The following PTPRT variants were observed in gnomAD, a reference collection of about 807,000 sequenced individuals.
The protein encoded by PTPRT is protein tyrosine phosphatase receptor type T.
In PTPRT, 56 loss-of-function variants were observed where a neutral mutation model predicts 176.8. That is an observed-to-expected ratio of 0.32 (90% CI 0.26 to 0.40). PTPRT has a LOEUF of 0.40. Among genes scored for constraint, PTPRT ranks in the 10% least tolerant of loss-of-function variants. PTPRT has a pLI of 1.00. For synonymous variants in PTPRT, 783 were observed against 739.0 expected (o/e 1.06, Z -0.96); for missense variants, 1,540 against 1,908.2 (o/e 0.81, Z 3.60).
At position 42,963,696 on chromosome 20, in the gene PTPRT, C is replaced by G. The variant is rs1982137512; in HGVS notation, c.89-77764G>C. 2.0e-5 allele frequency among the ~76,000 whole-genome samples: 3 copies of G among 152,096 alleles called. No homozygotes were observed. The East Asian group carries it at 5.8e-4, about 29-fold the overall frequency. On this transcript the variant is annotated intron_variant, in intron 1 of 30. Transcript: ENST00000373187. ...TTAACAACTGAGAAAATGAGTAAGG[C>G]TTATATAAGGGTAGGTCAAACTATG...
At chr20:43,003,735 C>T (rs1047743042) in intron 1 of PTPRT, among the ~76,000 whole-genome samples, 1 of 152,192 alleles carries the variant, frequency 6.6e-6, no homozygotes, top group African/African-American at 2.4e-5. Flanking sequence ...CACTCTGGAC[C>T]TACTGAATCA....
At chr20:42,214,371 A>G (rs945549739) in intron 15 of PTPRT, among the ~76,000 whole-genome samples, 4 of 152,110 alleles carry the variant, frequency 2.6e-5, no homozygotes, top group Admixed American at 2.0e-4. Flanking sequence ...CCTGCAGGCA[A>G]TGAGCATCCT....
intron 1 of PTPRT, among the ~76,000 whole-genome samples, chr20:43,067,105 A>C (rs1470314573): frequency 1.2e-4 from 18 of 152,238 alleles, no homozygotes; most frequent in Admixed American, 1.2e-3. Context: ...TCAATGGGTG[A>C]ATGAATTGTG....
chr20:42,061,902 A>T, the PTPRT span, among the ~76,000 whole-genome samples: 1 of 152,354 alleles, frequency 6.6e-6, no homozygotes, highest in East Asian at 1.9e-4. Context: ...ACTGCATTTT[A>T]AAAAATCCTG....
intron 2 of PTPRT, among the ~76,000 whole-genome samples, chr20:42,813,004 G>C (rs2077723069): frequency 6.6e-6 from 1 of 151,978 alleles, no homozygotes; most frequent in South Asian, 2.1e-4. Context: ...ATATTCAGTT[G>C]ACTACTTTCA....
At chr20:42,425,366 A>G (rs1032275651) in intron 9 of PTPRT, among the ~76,000 whole-genome samples, 1 of 152,234 alleles carries the variant, frequency 6.6e-6, no homozygotes, top group Non-Finnish European at 1.5e-5. Context: ...TCGGTGACTT[A>G]TAAGTTTGAA....
At chr20:43,018,621 C>T (rs1458419395) in intron 1 of PTPRT, among the ~76,000 whole-genome samples, 1 of 152,076 alleles carries the variant, frequency 6.6e-6, no homozygotes, top group Non-Finnish European at 1.5e-5. Flanking sequence ...AGGTTAATAT[C>T]CTTAAAATGT....
chr20:42,728,920 T>C lies in PTPRT; in HGVS notation c.859+27542A>G, dbSNP rs115418647. On this transcript the variant is annotated intron_variant, in intron 6 of 30. Coordinates refer to ENST00000373187, the MANE Select transcript of PTPRT (RefSeq NM_007050.6). ...TACCTACATATGTTTAATGAATGAATATGTAAGACTGAAAGAGTGAACAAA... is the reference window on the plus strand; with the variant it reads ...TACCTACATATGTTTAATGAATGAACATGTAAGACTGAAAGAGTGAACAAA... 1.4e-3 allele frequency among the ~76,000 whole-genome samples: 214 copies of C among 152,236 alleles called. 2 individuals carry two copies. Among genetic ancestry groups the C allele is most frequent in the African/African-American group, 5.0e-3 (206 of 41,550 alleles).
chr20:42,371,088 A>G (rs2058580575), intron 9 of PTPRT, among the ~76,000 whole-genome samples: 1 of 152,206 alleles, frequency 6.6e-6, no homozygotes, highest in Non-Finnish European at 1.5e-5. Context: ...AAGAACCATG[A>G]TTTTGCACAA....
intron 11 of PTPRT, among the ~76,000 whole-genome samples, chr20:42,341,999 TA>T (rs2058118619): frequency 1.3e-5 from 2 of 152,200 alleles, no homozygotes; most frequent in South Asian, 4.1e-4. Context: ...AGGAGCCTTA[TA>T]AAAGGGGACC....
At position 42,221,530 on chromosome 20, in the gene PTPRT, A is replaced by AG. The variant is rs2055885637; in HGVS notation, c.2342+14698_2342+14699insC. Among the ~76,000 whole-genome samples, 3 of 122,002 alleles carry AG rather than the reference A, an allele frequency of 2.5e-5. No homozygotes were observed. The Admixed American group carries it at 2.5e-4, about 10-fold the overall frequency. The allele number at this position is 122,002 out of a possible 152,430, so 80.0% of individuals were successfully genotyped here. A position where few individuals can be genotyped will look rare whatever the true frequency, so the allele number is the denominator to read the frequency against. On this transcript the variant is annotated intron_variant, in intron 15 of 30. Coordinates refer to ENST00000373187, the MANE Select transcript of PTPRT (RefSeq NM_007050.6). ...GAGACAGCATGCAAGGGAAACTGCCACTTTTTTTTTTTTTGAGACAGAGTC... is the reference window on the plus strand; with the variant it reads ...GAGACAGCATGCAAGGGAAACTGCCAGCTTTTTTTTTTTTTGAGACAGAGTC...
chr20:43,073,676 C>T lies in PTPRT; in HGVS notation c.88+115970G>A, dbSNP rs566071345. Reference sequence around the variant, plus strand: ...TAGATACATATTACATATTTAATTACCACTTTATTCAAAGGTGTCTCCTTG... The same window carrying T: ...TAGATACATATTACATATTTAATTATCACTTTATTCAAAGGTGTCTCCTTG... On this transcript the variant is annotated intron_variant, in intron 1 of 30. Coordinates refer to ENST00000373187, the MANE Select transcript of PTPRT (RefSeq NM_007050.6). Among the ~76,000 whole-genome samples, 11 of 151,808 alleles carry T rather than the reference C, an allele frequency of 7.2e-5. No individual in the cohort carries two copies. In the East Asian group the frequency reaches 2.2e-3, roughly 30 times the overall value.
At chr20:42,405,305 T>G (rs925813445) in intron 9 of PTPRT, among the ~76,000 whole-genome samples, 1 of 151,968 alleles carries the variant, frequency 6.6e-6, no homozygotes, top group Non-Finnish European at 1.5e-5. Context: ...AACTGGTCAT[T>G]TACATTATGT....
intron 17 of PTPRT, 125 bp from the exon 18 acceptor site, chr20:42,142,127 C>T (rs183252256): frequency 3.7e-4 from 285 of 772,800 alleles, no homozygotes; most frequent in African/African-American, 3.6e-3. Flanking sequence ...GATAGATGTC[C>T]TTGGATGGGG....
At chr20:42,202,778 TA>T (rs1391196590) in intron 15 of PTPRT, among the ~76,000 whole-genome samples, 1 of 152,174 alleles carries the variant, frequency 6.6e-6, no homozygotes, top group Admixed American at 6.5e-5. Flanking sequence ...GATATTTCCT[TA>T]GGGGCAGAAC....
chr20:42,410,896 A>G (rs1026346365), intron 9 of PTPRT, among the ~76,000 whole-genome samples: 2 of 152,142 alleles, frequency 1.3e-5, no homozygotes, highest in Admixed American at 6.5e-5. Context: ...CATCATGTCA[A>G]ACTATGTGTG....
chr20:43,143,912 T>C (rs1439543772), intron 1 of PTPRT, among the ~76,000 whole-genome samples: 1 of 152,118 alleles, frequency 6.6e-6, no homozygotes, highest in African/African-American at 2.4e-5. Context: ...TTCTATAGGG[T>C]CACAAGGTGC....
intron 14 of PTPRT, among the ~76,000 whole-genome samples, chr20:42,243,926 G>A (rs2056403219): frequency 6.6e-6 from 1 of 152,238 alleles, no homozygotes; most frequent in African/African-American, 2.4e-5. Flanking sequence ...ATGTCAGTGT[G>A]TGAGCATTGA....
At chr20:43,094,901 G>A (rs1351844864) in intron 1 of PTPRT, among the ~76,000 whole-genome samples, 1 of 152,166 alleles carries the variant, frequency 6.6e-6, no homozygotes, top group Non-Finnish European at 1.5e-5. Flanking sequence ...GAGTATGGAA[G>A]AAGATGAAGC....
Sources: allele counts gnomAD v4.1 joint callset (sites outside exome capture counted in the v4.1 genomes callset), GRCh38; gene constraint gnomAD v4.1.1; transcripts MANE v1.5; gene names NCBI Gene and HGNC (gene_info 2026-07-23, HGNC 2026-07-21).